CPA6: variants seen among roughly 807,000 people sequenced by gnomAD.
CPA6 encodes the protein carboxypeptidase B.
Under a neutral mutation model 63.3 loss-of-function variants are expected in CPA6, and 58 were observed. The observed-to-expected ratio is 0.92, with a 90% CI of 0.74 to 1.14. CPA6 has a LOEUF of 1.14. Among genes scored for constraint, CPA6 ranks in the 50% most tolerant of loss-of-function variants. The pLI is 0.00. For synonymous variants in CPA6, 185 were observed against 179.0 expected, an observed-to-expected ratio of 1.03 and a Z score of -0.27; for missense variants, 565 against 526.6, an observed-to-expected ratio of 1.07 and a Z score of -0.71.
rs138048545 is a variant in CPA6, at chr8:67,527,183, A to G, written c.193-9136T>C. Among the ~76,000 whole-genome samples, 756 of 152,352 alleles carry G rather than the reference A, an allele frequency of 5.0e-3. 2 individuals are homozygous for G. The highest frequency in any genetic ancestry group is 8.5e-3 in the Non-Finnish European group (578 of 68,038). ...TAATTTTAACACTGATGACCTCTCCATGATATTTGATCACTACATTCAGAA... is the reference window on the plus strand; with the variant it reads ...TAATTTTAACACTGATGACCTCTCCGTGATATTTGATCACTACATTCAGAA... On this transcript the variant is annotated intron_variant, in intron 2 of 10. Transcript: ENST00000297770.
intron 2 of CPA6, among the ~76,000 whole-genome samples, chr8:67,540,793 G>C (rs1812688119): frequency 6.6e-6 from 1 of 152,214 alleles, no homozygotes. Flanking sequence ...TGGCAGCTTT[G>C]TTTACACTGT....
chr8:67,558,456 CAAT>C (rs1284136140), intron 2 of CPA6, among the ~76,000 whole-genome samples: 1 of 152,118 alleles, frequency 6.6e-6, no homozygotes, highest in Non-Finnish European at 1.5e-5. Flanking sequence ...ATTGAACAAA[CAAT>C]ACATTTAGTT....
chr8:67,533,021 C>T (rs1390929532), intron 2 of CPA6, among the ~76,000 whole-genome samples: 3 of 152,148 alleles, frequency 2.0e-5, no homozygotes, highest in Admixed American at 1.3e-4. Flanking sequence ...AGGACTTATT[C>T]CAGGCTCACT....
chr8:67,633,932 A>G (rs1359150429), intron 1 of CPA6, among the ~76,000 whole-genome samples: 2 of 151,974 alleles, frequency 1.3e-5, no homozygotes, highest in East Asian at 1.9e-4. Context: ...CGTTAAAATC[A>G]TCTGGAATTT....
At chr8:67,737,305 A>G (rs1817831512) in intron 1 of CPA6, among the ~76,000 whole-genome samples, 1 of 152,160 alleles carries the variant, frequency 6.6e-6, no homozygotes, top group Non-Finnish European at 1.5e-5. Context: ...TTGCACCAAT[A>G]TATTCCCTGT....
At position 67,428,096 on chromosome 8, in the gene CPA6, C is replaced by T. The variant is rs143536122; in HGVS notation, c.1077G>A (p.Gln359=). The T allele has an allele frequency of 2.3e-4, 373 of 1,613,344 alleles. No homozygotes were observed. In the African/African-American group the frequency reaches 4.3e-3, roughly 19 times the overall value. ...SAAYKAVNAL[Q]SVYGVRYRYG... is the part of the protein sequence containing the mutation. ...ATCTGTATCGTACCCCGTATACTGA[C>T]TGAAGTGCATTCACAGCTTTATAAG... The change falls in exon 10 of 11, where the codon CAG becomes CAA. Residue 359 remains glutamine, a synonymous_variant. Transcript: ENST00000297770.
intron 2 of CPA6, among the ~76,000 whole-genome samples, chr8:67,552,263 G>A (rs1435247330): frequency 2.0e-5 from 3 of 152,152 alleles, no homozygotes; most frequent in Non-Finnish European, 2.9e-5. Flanking sequence ...GTAGTGGCAG[G>A]TTACTTACCA....
At position 67,545,709 on chromosome 8, in the gene CPA6, T is replaced by C. The variant is rs1206927405; in HGVS notation, c.193-27662A>G. On this transcript the variant is annotated intron_variant, in intron 2 of 10. Transcript: ENST00000297770. ...TCCCAAGTAGCTGGGAGAACAGGCA[T>C]GTGCCACCACGCCCAGCTAATTTTT... Among the ~76,000 whole-genome samples, 3 of 152,002 alleles carry C rather than the reference T, an allele frequency of 2.0e-5. No homozygotes were observed. In the East Asian group the frequency reaches 5.8e-4, roughly 29 times the overall value.
intron 2 of CPA6, among the ~76,000 whole-genome samples, chr8:67,553,416 G>C (rs928974859): frequency 1.3e-5 from 2 of 152,138 alleles, no homozygotes; most frequent in Non-Finnish European, 2.9e-5. Flanking sequence ...AAAGAGTAAT[G>C]ATATTATAAG....
intron 1 of CPA6, among the ~76,000 whole-genome samples, chr8:67,660,695 T>C (rs1445033973): frequency 6.6e-6 from 1 of 151,932 alleles, no homozygotes; most frequent in East Asian, 1.9e-4. Flanking sequence ...CCCCTAATCC[T>C]GTTTGCTAAG....
At chr8:67,573,466 T>C (rs574168154) in intron 2 of CPA6, among the ~76,000 whole-genome samples, 8 of 152,320 alleles carry the variant, frequency 5.3e-5, no homozygotes, top group African/African-American at 1.9e-4. Flanking sequence ...GTGGCATTTC[T>C]CTACATTCAC....
At chr8:67,465,020 G>A (rs1377942668) in intron 8 of CPA6, among the ~76,000 whole-genome samples, 1 of 152,092 alleles carries the variant, frequency 6.6e-6, no homozygotes, top group African/African-American at 2.4e-5. Context: ...ATGAATTTTA[G>A]AATAGTTTTT....
chr8:67,702,032 C>T (rs1817035797), intron 1 of CPA6, among the ~76,000 whole-genome samples: 1 of 152,112 alleles, frequency 6.6e-6, no homozygotes, highest in South Asian at 2.1e-4. Flanking sequence ...GTTTGTTAAA[C>T]TGCCTCTCTA....
intron 6 of CPA6, among the ~76,000 whole-genome samples, chr8:67,496,411 C>CT (rs1043790305): frequency 3.3e-5 from 5 of 150,536 alleles, no homozygotes; most frequent in African/African-American, 2.4e-5. Flanking sequence ...AAAATAACAG[C>CT]TTTTTTGGGA....
At chr8:67,488,919 A>T (rs2128962009) in intron 6 of CPA6, among the ~76,000 whole-genome samples, 1 of 152,304 alleles carries the variant, frequency 6.6e-6, no homozygotes, top group African/African-American at 2.4e-5. Flanking sequence ...GAGACTTCAC[A>T]GAAATTGCTT....
intron 8 of CPA6, among the ~76,000 whole-genome samples, chr8:67,450,264 GTAA>G (rs1166634158): frequency 6.6e-6 from 1 of 152,160 alleles, no homozygotes; most frequent in Non-Finnish European, 1.5e-5. Context: ...TTACTTATAG[GTAA>G]TATGCTTACT....
At chr8:67,489,273 A>G (rs1587485299) in intron 6 of CPA6, among the ~76,000 whole-genome samples, 1 of 151,938 alleles carries the variant, frequency 6.6e-6, no homozygotes, top group Non-Finnish European at 1.5e-5. Flanking sequence ...TCCTTTTCTA[A>G]TTTCTTGTGA....
chr8:67,578,497 A>T (rs976494973), intron 2 of CPA6, among the ~76,000 whole-genome samples: 1 of 152,202 alleles, frequency 6.6e-6, no homozygotes, highest in Non-Finnish European at 1.5e-5. Context: ...GTGCAGCACC[A>T]TGGGCACAAC....
chr8:67,528,862 T>C (rs944959275), intron 2 of CPA6, among the ~76,000 whole-genome samples: 1 of 151,982 alleles, frequency 6.6e-6, no homozygotes, highest in Non-Finnish European at 1.5e-5. Context: ...TTCTGCCTGA[T>C]CTTTAAGATA....
Sources: gnomAD v4.1 joint callset for allele counts (sites outside exome capture counted in the v4.1 genomes callset) on GRCh38, gnomAD v4.1.1 for gene constraint, MANE v1.5 for transcripts, NCBI Gene and HGNC (gene_info 2026-07-23, HGNC 2026-07-21) for gene names.